The following GALNT13 variants were observed in gnomAD, a reference collection of about 807,000 sequenced individuals.
GALNT13 encodes the protein polypeptide N-acetylgalactosaminyltransferase 13.
A neutral mutation model predicts 64.2 loss-of-function variants in GALNT13; 28 were observed. That is an observed-to-expected ratio of 0.44 (90% CI 0.32 to 0.60). GALNT13 has a LOEUF of 0.60. Among genes scored for constraint, GALNT13 ranks in the 20% least tolerant of loss-of-function variants. The pLI is 0.05. For missense variants in GALNT13, 577 were observed against 669.8 expected (o/e 0.86, Z 1.53); for synonymous variants, 214 against 224.6 (o/e 0.95, Z 0.42).
the GALNT13 span, among the ~76,000 whole-genome samples, chr2:153,449,058 G>GTC: frequency 3.0e-4 from 46 of 151,722 alleles, no homozygotes; most frequent in Non-Finnish European, 5.3e-4. Context: ...CTGTCTCTCT[G>GTC]TCTCTCTCTC....
the GALNT13 span, among the ~76,000 whole-genome samples, chr2:153,720,653 A>T: frequency 6.6e-6 from 1 of 151,774 alleles, no homozygotes; most frequent in African/African-American, 2.4e-5. Flanking sequence ...CTCGAGAACT[A>T]CATGAAGAAT....
intron 4 of GALNT13, among the ~76,000 whole-genome samples, chr2:154,216,715 TAAG>T (rs1433059015): frequency 1.3e-5 from 2 of 151,638 alleles, no homozygotes; most frequent in Non-Finnish European, 2.9e-5. Context: ...ATATAATAAT[TAAG>T]AAAAAATATT....
chr2:153,897,416 A>G (rs1687958592), intron 1 of GALNT13, among the ~76,000 whole-genome samples: 2 of 152,110 alleles, frequency 1.3e-5, no homozygotes, highest in Admixed American at 1.3e-4. Flanking sequence ...CAGGCATACC[A>G]CAAAAGTGAT....
chr2:154,149,849 G>C (rs926127072), intron 4 of GALNT13, among the ~76,000 whole-genome samples: 1 of 152,074 alleles, frequency 6.6e-6, no homozygotes, highest in Non-Finnish European at 1.5e-5. Context: ...GAGTTTTCTG[G>C]ATATACAGTC....
chr2:153,673,663 C>T, the GALNT13 span, among the ~76,000 whole-genome samples: 2 of 152,170 alleles, frequency 1.3e-5, no homozygotes, highest in African/African-American at 4.8e-5. Flanking sequence ...AGGATGCCCT[C>T]TCTCACCACT....
the GALNT13 span, among the ~76,000 whole-genome samples, chr2:153,372,287 G>A: frequency 1.3e-5 from 2 of 152,088 alleles, no homozygotes; most frequent in Non-Finnish European, 2.9e-5. Flanking sequence ...GAAGTTCTGT[G>A]ATTCCATTTT....
At chr2:153,686,660 A>G in the GALNT13 span, among the ~76,000 whole-genome samples, 1 of 152,022 alleles carries the variant, frequency 6.6e-6, no homozygotes, top group Non-Finnish European at 1.5e-5. Flanking sequence ...TGCCCCGGCC[A>G]GGACATACAA....
intron 4 of GALNT13, among the ~76,000 whole-genome samples, chr2:154,188,753 A>G (rs1483036045): frequency 6.6e-6 from 1 of 152,106 alleles, no homozygotes; most frequent in Non-Finnish European, 1.5e-5. Context: ...AAAAATTATC[A>G]TGGGGAAATG....
chr2:153,327,306 T>A, the GALNT13 span, among the ~76,000 whole-genome samples: 10 of 152,208 alleles, frequency 6.6e-5, no homozygotes, highest in African/African-American at 2.4e-4. Context: ...AAGGAGTATC[T>A]TTGTGGTGTT....
chr2:153,776,576 A>G, the GALNT13 span, among the ~76,000 whole-genome samples: 4 of 152,312 alleles, frequency 2.6e-5, no homozygotes, highest in East Asian at 7.7e-4. Context: ...AGCTTCTTTC[A>G]ATTTCTCACT....
At chr2:153,181,785 TTATATTATATAAATA>T in the GALNT13 span, among the ~76,000 whole-genome samples, 2 of 145,908 alleles carry the variant, frequency 1.4e-5, no homozygotes, top group East Asian at 3.9e-4. Flanking sequence ...AAATTTATAT[TTATATTATATAAATA>T]TACTTACATA....
At chr2:154,197,961 C>A (rs199610100) in intron 4 of GALNT13, among the ~76,000 whole-genome samples, 19 of 149,562 alleles carry the variant, frequency 1.3e-4, no homozygotes, top group Non-Finnish European at 2.2e-4. Context: ...CCGTAATAAA[C>A]CCCATTTTAT....
In GALNT13 at chr2:153,886,117, A is replaced by T. The variant is rs541749201; in HGVS notation, c.-177+13814A>T. Among the ~76,000 whole-genome samples, 200 of 151,660 alleles carry T rather than the reference A, an allele frequency of 1.3e-3. 1 individual carries two copies. Among genetic ancestry groups the T allele is most frequent in the East Asian group, 8.9e-3 (46 of 5,140 alleles). ...GTGGAAAACTGAGAAAAAATACTTT[A>T]TTTAATTTATGTGGTAAAACCTAGT... On this transcript the variant is annotated intron_variant, in intron 1 of 12. Transcript: ENST00000392825.
chr2:154,435,881 A>G (rs1355888522), intron 11 of GALNT13: 1 of 152,222 alleles, frequency 6.6e-6, no homozygotes, highest in Non-Finnish European at 1.5e-5. Context: ...AAAAATTTTA[A>G]TAATGACAAT....
At chr2:154,199,431 A>G (rs1274251733) in intron 4 of GALNT13, among the ~76,000 whole-genome samples, 5 of 152,084 alleles carry the variant, frequency 3.3e-5, no homozygotes, top group Non-Finnish European at 5.9e-5. Flanking sequence ...CAGTCTTTGT[A>G]TATAATCAAA....
the GALNT13 span, among the ~76,000 whole-genome samples, chr2:153,812,503 A>T: frequency 6.6e-6 from 1 of 152,194 alleles, no homozygotes; most frequent in Non-Finnish European, 1.5e-5. Flanking sequence ...CTTACTATTA[A>T]AAATATTTCT....
At chr2:153,282,797 T>C in the GALNT13 span, among the ~76,000 whole-genome samples, 1 of 152,262 alleles carries the variant, frequency 6.6e-6, no homozygotes, top group Non-Finnish European at 1.5e-5. Flanking sequence ...TTTGTAATTA[T>C]TTTCATACAG....
chr2:153,081,217 T>C, the GALNT13 span, among the ~76,000 whole-genome samples: 1 of 152,010 alleles, frequency 6.6e-6, no homozygotes, highest in East Asian at 1.9e-4. Flanking sequence ...TTATTTACTT[T>C]TTTATTTTTA....
At chr2:154,089,258 T>C (rs970318699) in intron 3 of GALNT13, among the ~76,000 whole-genome samples, 1 of 152,048 alleles carries the variant, frequency 6.6e-6, no homozygotes, top group Non-Finnish European at 1.5e-5. Flanking sequence ...TCCTGGACAG[T>C]GGTCTACTTC....
Sources: gnomAD v4.1 joint callset for allele counts (sites outside exome capture counted in the v4.1 genomes callset) on GRCh38, gnomAD v4.1.1 for gene constraint, MANE v1.5 for transcripts, NCBI Gene and HGNC (gene_info 2026-07-23, HGNC 2026-07-21) for gene names.